The following GSDME variants were observed in gnomAD, a reference collection of about 807,000 sequenced individuals.
GSDME encodes gasdermin-E.
A neutral mutation model predicts 47.5 loss-of-function variants in GSDME; 44 were observed. The ratio of observed to expected loss-of-function variants is 0.93; its 90% CI spans 0.73 to 1.19. The LOEUF (loss-of-function observed/expected upper bound fraction) is 1.19. Ranked by LOEUF, GSDME falls within the 50% of genes most tolerant of loss-of-function variation. The pLI is 0.00. For synonymous variants in GSDME, 258 were observed against 252.8 expected (o/e 1.02, Z -0.20); for missense variants, 663 against 604.2 (o/e 1.10, Z -1.02).
chr7:24,768,534 C>T, the GSDME span, among the ~76,000 whole-genome samples: 35 of 152,270 alleles, frequency 2.3e-4, no homozygotes, highest in Middle Eastern at 3.4e-3. This position sits in a 1 kb window ranked among gnomAD's most constrained non-coding sequence, Gnocchi z 5.6. Flanking sequence ...TTCAAATGGG[C>T]CTAGCCAAAT....
At chr7:24,772,971 A>G in the GSDME span, among the ~76,000 whole-genome samples, 63 of 152,318 alleles carry the variant, frequency 4.1e-4, no homozygotes, top group East Asian at 0.01. The surrounding 1 kb of genome is among the most constrained non-coding windows in gnomAD (Gnocchi z 4.5). Context: ...TCAAGGACCT[A>G]TGGGGTTGGG....
upstream of GSDME, among the ~76,000 whole-genome samples, chr7:24,761,069 C>G (rs1475527727): frequency 1.3e-5 from 2 of 152,198 alleles, no homozygotes; most frequent in African/African-American, 2.4e-5. The surrounding 1 kb of genome is among the most constrained non-coding windows in gnomAD (Gnocchi z 4.4). Context: ...CAAACTACCC[C>G]AAAACTTAGT....
the GSDME span, among the ~76,000 whole-genome samples, chr7:24,788,780 C>A: frequency 6.6e-6 from 1 of 152,146 alleles, no homozygotes; most frequent in Non-Finnish European, 1.5e-5. This position sits in a 1 kb window ranked among gnomAD's most constrained non-coding sequence, Gnocchi z 4.6. Context: ...CCGAGGCTGC[C>A]TTTAAAGATA....
Position 24,735,648 on chromosome 7 carries a change from C to T in GSDME, c.404+8914G>A, listed in dbSNP as rs1790280605. Among the ~76,000 whole-genome samples, 1 of 152,004 alleles carries T rather than the reference C, an allele frequency of 6.6e-6. No individual in the cohort carries two copies. The highest frequency in any genetic ancestry group is 2.1e-4 in the South Asian group (1 of 4,824). ...TGGTGGGCGCCTGTAATCCCAACTA[C>T]TCAGGAGGCTGAGGCAGGAGAATCA... On this transcript the variant is annotated intron_variant, in intron 3 of 9. Transcript: ENST00000645220. The surrounding 1 kb of genome is among the most constrained non-coding windows in gnomAD (Gnocchi z 4.4).
At chr7:24,775,954 C>A in the GSDME span, among the ~76,000 whole-genome samples, 43,879 of 145,194 alleles carry the variant, frequency 0.3, 6,997 homozygotes, top group East Asian at 0.49. Context: ...CTGAGGTGGG[C>A]TGATTGCCTG....
the GSDME span, among the ~76,000 whole-genome samples, chr7:24,770,799 G>A: frequency 6.7e-6 from 1 of 148,792 alleles, no homozygotes; most frequent in Non-Finnish European, 1.5e-5. The surrounding 1 kb of genome is among the most constrained non-coding windows in gnomAD (Gnocchi z 4.6). Context: ...ACACCACTGA[G>A]AAAAGAAGAA....
chr7:24,726,822 A>AC lies in GSDME; in HGVS notation c.405-7605_405-7604insG, dbSNP rs989936285. Among the ~76,000 whole-genome samples the AC allele has an allele frequency of 6.6e-6, 1 of 151,028 alleles. No individual in the cohort carries two copies. The highest frequency in any genetic ancestry group is 2.4e-5 in the African/African-American group (1 of 41,224). On this transcript the variant is annotated intron_variant, in intron 3 of 9. Coordinates refer to ENST00000645220, the MANE Select transcript of GSDME (RefSeq NM_001127453.2). This position sits in a 1 kb window ranked among gnomAD's most constrained non-coding sequence, Gnocchi z 5.6. ...CTCCGTCTCAAAAAAAAAAAAAAAA[A>AC]ACCAATGGCCTCGAGGAAGAGTTTC...
chr7:24,700,282 T>C (rs1416663747), intron 9 of GSDME, among the ~76,000 whole-genome samples: 1 of 152,204 alleles, frequency 6.6e-6, no homozygotes, highest in Non-Finnish European at 1.5e-5. Flanking sequence ...TGGATGCTGC[T>C]CTAATTCCAC....
chr7:24,713,409 T>C (rs1347057934), intron 5 of GSDME, among the ~76,000 whole-genome samples: 1 of 152,224 alleles, frequency 6.6e-6, no homozygotes, highest in Non-Finnish European at 1.5e-5. Flanking sequence ...TTCCTGCTTC[T>C]GTCATCTTTT....
chr7:24,709,455 C>T (rs918245877), intron 6 of GSDME, among the ~76,000 whole-genome samples: 1 of 152,170 alleles, frequency 6.6e-6, no homozygotes, highest in African/African-American at 2.4e-5. Context: ...TCTTCAAATA[C>T]GGACATTTTT....
chr7:24,700,996 A>G (rs904363965), intron 9 of GSDME, among the ~76,000 whole-genome samples: 1 of 152,162 alleles, frequency 6.6e-6, no homozygotes, highest in African/African-American at 2.4e-5. Flanking sequence ...AACATTCTCT[A>G]CTGATTCTAA....
In GSDME at chr7:24,724,174, C is replaced by CAAAA. The variant is rs141820646; in HGVS notation, c.405-4960_405-4957dup. Among the ~76,000 whole-genome samples, 1 of 139,182 alleles carries CAAAA rather than the reference C, an allele frequency of 7.2e-6. No homozygotes were observed. Among genetic ancestry groups the CAAAA allele is most frequent in the African/African-American group, 2.6e-5 (1 of 37,834 alleles). The allele number at this position is 139,182 out of a possible 152,430, so 91.3% of individuals were successfully genotyped here. A position where few individuals can be genotyped will look rare whatever the true frequency, so the allele number is the denominator to read the frequency against. The stretch of plus-strand genomic sequence containing the variant: ...ACCATGTGAATAGATTGCCCAGTTC[C>CAAAA]AAAAAAAAAAAAAAGTATTTTAAAA... On this transcript the variant is annotated intron_variant, in intron 3 of 9. Transcript: ENST00000645220. The surrounding 1 kb of genome is among the most constrained non-coding windows in gnomAD (Gnocchi z 4.8).
At chr7:24,775,475 C>T in the GSDME span, among the ~76,000 whole-genome samples, 835 of 152,306 alleles carry the variant, frequency 5.5e-3, 2 homozygotes, top group African/African-American at 0.019. Context: ...TGTGAAGTGA[C>T]AGGATTTGAT....
intron 3 of GSDME, among the ~76,000 whole-genome samples, chr7:24,741,172 G>C (rs1790478815): frequency 6.6e-6 from 1 of 152,112 alleles, no homozygotes; most frequent in Non-Finnish European, 1.5e-5. Flanking sequence ...CCAGACCCTA[G>C]GAAATTAGAA....
At chr7:24,747,243 C>G (rs1192723082) in intron 2 of GSDME, among the ~76,000 whole-genome samples, 3 of 152,210 alleles carry the variant, frequency 2.0e-5, no homozygotes, top group East Asian at 1.9e-4. Flanking sequence ...CACACAGATT[C>G]CTGAAGGGGA....
At chr7:24,795,479 A>G in the GSDME span, among the ~76,000 whole-genome samples, 5 of 152,154 alleles carry the variant, frequency 3.3e-5, no homozygotes, top group Non-Finnish European at 7.3e-5. Context: ...CTGTCCCTTT[A>G]CAACTAAGGG....
chr7:24,749,798 A>T lies in GSDME; in HGVS notation c.-19-5T>A, dbSNP rs768562493. 7.0e-6 allele frequency: 11 copies of T among 1,580,816 alleles called. No individual in the cohort carries two copies. Among genetic ancestry groups the T allele is most frequent in the Non-Finnish European group, 9.6e-6 (11 of 1,151,436 alleles). ...ATTTTGAAAGCTCCAGATTATCTGA[A>T]AAAGTAAAGTTATCCTAAAATCAAA... On this transcript the variant is annotated splice_region_variant and splice_polypyrimidine_tract_variant and intron_variant, in intron 1 of 9. Transcript: ENST00000645220.
intron 3 of GSDME, among the ~76,000 whole-genome samples, chr7:24,722,348 C>T (rs990599473): frequency 2.0e-4 from 30 of 152,204 alleles, no homozygotes; most frequent in Non-Finnish European, 1.2e-4. Context: ...ATAGCAGATG[C>T]GATCTTCCTA....
rs1476099615 is a variant in GSDME, at chr7:24,733,491, C to T, written c.404+11071G>A. Among the ~76,000 whole-genome samples, 1 of 152,170 alleles carries T rather than the reference C, an allele frequency of 6.6e-6. No homozygotes were observed. The highest frequency in any genetic ancestry group is 1.5e-5 in the Non-Finnish European group (1 of 68,030). Reference sequence around the variant, plus strand: ...AGCAAGCCCTTCAAGTCTCTGATTCCAGGTTGTGGCTCTTGGATGGCATTT... The same window carrying T: ...AGCAAGCCCTTCAAGTCTCTGATTCTAGGTTGTGGCTCTTGGATGGCATTT... On this transcript the variant is annotated intron_variant, in intron 3 of 9. Coordinates refer to ENST00000645220, the MANE Select transcript of GSDME (RefSeq NM_001127453.2). The surrounding 1 kb of genome is among the most constrained non-coding windows in gnomAD (Gnocchi z 4.3).
Sources: gnomAD v4.1 joint callset for allele counts (sites outside exome capture counted in the v4.1 genomes callset) on GRCh38, gnomAD v4.1.1 for gene constraint, Gnocchi (gnomAD v3.1) non-coding constraint, MANE v1.5 for transcripts, NCBI Gene and HGNC (gene_info 2026-07-23, HGNC 2026-07-21) for gene names.